EPHA6: variants seen among roughly 807,000 people sequenced by gnomAD.
EPHA6 encodes the protein EPH receptor A6.
A neutral mutation model predicts 112.0 loss-of-function variants in EPHA6; 50 were observed. That is an observed-to-expected ratio of 0.45 (90% CI 0.36 to 0.56). The LOEUF (loss-of-function observed/expected upper bound fraction) is 0.56. EPHA6 is among the 20% of genes least tolerant of loss of function. The pLI is 0.00. For missense variants in EPHA6, 1,280 were observed against 1,417.4 expected (o/e 0.90, Z 1.56); for synonymous variants, 529 against 490.7 (o/e 1.08, Z -1.03).
chr3:97,686,624 C>T (rs1159166008), intron 14 of EPHA6, among the ~76,000 whole-genome samples: 1 of 152,200 alleles, frequency 6.6e-6, no homozygotes, highest in Non-Finnish European at 1.5e-5. Context: ...ATCTTCTCTA[C>T]TGCATAACAC....
intron 2 of EPHA6, among the ~76,000 whole-genome samples, chr3:96,937,071 C>T (rs540584609): frequency 1.5e-4 from 23 of 152,250 alleles, no homozygotes; most frequent in East Asian, 7.7e-4. Context: ...AATAAACATA[C>T]GTGTGCATGT....
intron 5 of EPHA6, among the ~76,000 whole-genome samples, chr3:97,264,863 C>T (rs1003417047): frequency 1.3e-5 from 2 of 152,138 alleles, no homozygotes; most frequent in Non-Finnish European, 2.9e-5. Flanking sequence ...TTCATTGGGA[C>T]ACCCTGGCTA....
chr3:97,409,943 T>C (rs1435106298), intron 6 of EPHA6, among the ~76,000 whole-genome samples: 1 of 152,064 alleles, frequency 6.6e-6, no homozygotes, highest in Non-Finnish European at 1.5e-5. Context: ...AGTTCACAGA[T>C]TATAGAAAAA....
intron 12 of EPHA6, among the ~76,000 whole-genome samples, chr3:97,595,522 G>A (rs1227592363): frequency 2.6e-5 from 4 of 152,074 alleles, no homozygotes; most frequent in Non-Finnish European, 5.9e-5. Flanking sequence ...GCGGGCACCT[G>A]TAATCTCAGC....
At chr3:96,873,307 T>A (rs1576201797) in intron 2 of EPHA6, among the ~76,000 whole-genome samples, 1 of 152,090 alleles carries the variant, frequency 6.6e-6, no homozygotes, top group South Asian at 2.1e-4. Context: ...CACCAGTCCA[T>A]CTCTCCAATT....
At chr3:97,227,731 T>G (rs1252295007) in intron 4 of EPHA6, among the ~76,000 whole-genome samples, 2 of 149,688 alleles carry the variant, frequency 1.3e-5, no homozygotes, top group Admixed American at 1.3e-4. Flanking sequence ...TTGAGCTTCA[T>G]GCCTCAGCAT....
At chr3:97,526,255 G>A (rs911823338) in intron 10 of EPHA6, among the ~76,000 whole-genome samples, 1 of 152,200 alleles carries the variant, frequency 6.6e-6, no homozygotes, top group Admixed American at 6.5e-5. Flanking sequence ...GCTTCTCTCA[G>A]TCTGAAGACA....
At chr3:97,555,431 T>G (rs1009705461) in intron 11 of EPHA6, among the ~76,000 whole-genome samples, 1 of 152,098 alleles carries the variant, frequency 6.6e-6, no homozygotes, top group African/African-American at 2.4e-5. Context: ...TTATAGTCCT[T>G]TGGGTATATA....
At chr3:97,613,524 G>T (rs897691610) in intron 13 of EPHA6, among the ~76,000 whole-genome samples, 1 of 152,140 alleles carries the variant, frequency 6.6e-6, no homozygotes, top group African/African-American at 2.4e-5. Context: ...AGTGCTGGTT[G>T]CTGGCTGGCT....
intron 5 of EPHA6, among the ~76,000 whole-genome samples, chr3:97,253,107 A>T (rs1369111426): frequency 6.6e-6 from 1 of 152,232 alleles, no homozygotes; most frequent in Non-Finnish European, 1.5e-5. Context: ...ACGTGAAAAA[A>T]AACAAAATTA....
At chr3:97,155,199 A>G (rs888667173) in intron 3 of EPHA6, among the ~76,000 whole-genome samples, 1 of 152,196 alleles carries the variant, frequency 6.6e-6, no homozygotes, top group African/African-American at 2.4e-5. Flanking sequence ...GAAAATTTCA[A>G]CATTTAATGT....
chr3:97,442,922 C>T (rs558287853), intron 6 of EPHA6, among the ~76,000 whole-genome samples: 3 of 152,138 alleles, frequency 2.0e-5, no homozygotes, highest in Non-Finnish European at 2.9e-5. Flanking sequence ...GAAATATCTT[C>T]CTTTCATTCA....
At chr3:96,944,356 C>T (rs571885763) in intron 2 of EPHA6, among the ~76,000 whole-genome samples, 17 of 150,912 alleles carry the variant, frequency 1.1e-4, no homozygotes, top group African/African-American at 3.7e-4. Flanking sequence ...TTCTCTGGCT[C>T]GTTTCTCTTC....
intron 12 of EPHA6, among the ~76,000 whole-genome samples, chr3:97,604,211 G>A (rs774121559): frequency 1.6e-4 from 25 of 151,746 alleles, no homozygotes; most frequent in Non-Finnish European, 1.5e-5. Flanking sequence ...GAGACAGTGA[G>A]TTGAAAAGTG....
chr3:96,842,256 T>C (rs1306920294), intron 1 of EPHA6, among the ~76,000 whole-genome samples: 3 of 152,000 alleles, frequency 2.0e-5, no homozygotes, highest in Admixed American at 6.6e-5. Context: ...ACATGGAAAA[T>C]CTCATCCTAG....
chr3:97,448,448 C>A (rs1217371552), intron 6 of EPHA6, 120 bp from the exon 7 acceptor site: 2 of 1,055,890 alleles, frequency 1.9e-6, no homozygotes, highest in Non-Finnish European at 2.8e-6. Flanking sequence ...GCTAACACTA[C>A]TTTGTAATCA....
At chr3:97,341,503 C>T (rs559627006) in intron 5 of EPHA6, among the ~76,000 whole-genome samples, 6 of 151,992 alleles carry the variant, frequency 3.9e-5, no homozygotes, top group Admixed American at 6.6e-5. Context: ...TACAGGTGCC[C>T]GCCACCACGC....
At chr3:96,816,049 T>C (rs2032754507) in intron 1 of EPHA6, among the ~76,000 whole-genome samples, 1 of 152,142 alleles carries the variant, frequency 6.6e-6, no homozygotes. Context: ...AATTTGCAGG[T>C]ATAAAAATGG....
Position 96,892,387 on chromosome 3 carries a change from A to AT in EPHA6, c.450+25505dup, listed in dbSNP as rs200631385. Among the ~76,000 whole-genome samples the AT allele has an allele frequency of 2.9e-3, 442 of 151,898 alleles. 4 individuals carry two copies. Among genetic ancestry groups the AT allele is most frequent in the African/African-American group, 9.8e-3 (406 of 41,378 alleles). The stretch of plus-strand genomic sequence containing the variant: ...AGGTGTCTACCACCACTCCTGGTTA[A>AT]TTTTTTTGTACTTTTTATAGAGATA... On this transcript the variant is annotated intron_variant, in intron 2 of 17. Transcript: ENST00000389672.
Sources: gnomAD v4.1 joint callset for allele counts (sites outside exome capture counted in the v4.1 genomes callset) on GRCh38, gnomAD v4.1.1 for gene constraint, MANE v1.5 for transcripts, NCBI Gene and HGNC (gene_info 2026-07-23, HGNC 2026-07-21) for gene names.